ATP2B4: variants seen among roughly 807,000 people sequenced by gnomAD.
ATP2B4 encodes ATPase plasma membrane Ca2+ transporting 4.
In ATP2B4, 39 loss-of-function variants were observed where a neutral mutation model predicts 110.3. That is an observed-to-expected ratio of 0.35 (90% CI 0.27 to 0.46). The LOEUF is 0.46. Ranked by LOEUF, ATP2B4 falls within the 20% of genes least tolerant of loss-of-function variation. ATP2B4 has a pLI of 1.00. For missense variants in ATP2B4, 1,135 were observed against 1,530.9 expected (o/e 0.74, Z 4.32); for synonymous variants, 538 against 571.7 (o/e 0.94, Z 0.84).
intron 2 of ATP2B4, among the ~76,000 whole-genome samples, chr1:203,695,340 C>T (rs935678059): frequency 6.6e-6 from 1 of 152,234 alleles, no homozygotes; most frequent in African/African-American, 2.4e-5. Context: ...CTGCCTCTGC[C>T]TGTCTGGGGC....
At chr1:203,656,416 A>G (rs1162055200) in intron 1 of ATP2B4, among the ~76,000 whole-genome samples, 1 of 152,158 alleles carries the variant, frequency 6.6e-6, no homozygotes, top group Non-Finnish European at 1.5e-5. Context: ...CTACATGGTA[A>G]ATGGAAGAAA....
At chr1:203,670,623 C>G (rs924968132) in intron 1 of ATP2B4, among the ~76,000 whole-genome samples, 2 of 152,238 alleles carry the variant, frequency 1.3e-5, no homozygotes, top group African/African-American at 4.8e-5. Flanking sequence ...CTCCCTTCTC[C>G]CTTCCCACCC....
chr1:203,711,202 C>A, intron 12 of ATP2B4, 94 bp downstream of exon 12: 2 of 1,143,176 alleles, frequency 1.7e-6, no homozygotes, highest in South Asian at 1.4e-5. Context: ...AACTGCCTCT[C>A]ACTTAGAGGG....
chr1:203,743,563 TATATGCCATATGTGA>T lies in ATP2B4; in HGVS notation c.*3721_*3735del, dbSNP rs1229039017. On this transcript the variant is annotated 3_prime_UTR_variant, in exon 21 of 21. Transcript: ENST00000357681. Reference sequence around the variant, plus strand: ...GGTTCATGTTTTCTCCCCATATGTATATATGCCATATGTGAATATGCCATATATATGTGCCAACAA... The same window carrying T: ...GGTTCATGTTTTCTCCCCATATGTATATATGCCATATATATGTGCCAACAA... The T allele has an allele frequency of 6.5e-6, 1 of 152,692 alleles. No individual in the cohort carries two copies. Among genetic ancestry groups the T allele is most frequent in the Non-Finnish European group, 1.5e-5 (1 of 68,048 alleles). 9.5% of individuals were successfully genotyped at this position (152,692 alleles called of 1,614,324 possible).
intron 20 of ATP2B4, chr1:203,733,536 G>C (rs1666795609): frequency 3.3e-6 from 3 of 917,164 alleles, no homozygotes; most frequent in Non-Finnish European, 4.7e-6. Flanking sequence ...GGAAGAAAAA[G>C]ACAAAAATCC....
intron 7 of ATP2B4, among the ~76,000 whole-genome samples, chr1:203,702,958 C>G (rs1215535575): frequency 2.0e-5 from 3 of 152,204 alleles, no homozygotes; most frequent in Admixed American, 6.5e-5. Flanking sequence ...ATATGTCTCT[C>G]TTTATCCCTG....
intron 1 of ATP2B4, among the ~76,000 whole-genome samples, chr1:203,675,911 T>A (rs955080828): frequency 6.6e-6 from 1 of 151,988 alleles, no homozygotes. Context: ...CTGGAAGGAC[T>A]ATAGGGGGGA....
At chr1:203,701,310 C>T (rs1665686564) in intron 6 of ATP2B4, among the ~76,000 whole-genome samples, 1 of 152,146 alleles carries the variant, frequency 6.6e-6, no homozygotes, top group Non-Finnish European at 1.5e-5. Context: ...ACCATCAAGA[C>T]TAAGAGAAAA....
At chr1:203,688,226 C>T (rs550839086) in intron 2 of ATP2B4, among the ~76,000 whole-genome samples, 2 of 151,958 alleles carry the variant, frequency 1.3e-5, no homozygotes, top group South Asian at 4.2e-4. Context: ...GGTTTTGCCA[C>T]CTCTACCTCA....
intron 1 of ATP2B4, among the ~76,000 whole-genome samples, chr1:203,647,801 G>T (rs780886801): frequency 5.3e-5 from 8 of 151,728 alleles, no homozygotes; most frequent in African/African-American, 7.3e-5. Flanking sequence ...AAAAAAAAAA[G>T]TGCTGATGGC....
At chr1:203,728,034 A>G (rs1049676629) in intron 20 of ATP2B4, 1 of 356,596 alleles carries the variant, frequency 2.8e-6, no homozygotes, top group African/African-American at 2.2e-5. Context: ...GCTATCTGGA[A>G]GGGTCTTTGT....
intron 1 of ATP2B4, among the ~76,000 whole-genome samples, chr1:203,674,294 G>T (rs372489838): frequency 6.6e-6 from 1 of 152,132 alleles, no homozygotes; most frequent in Non-Finnish European, 1.5e-5. Context: ...AATGGTGAGC[G>T]CTGCTGTTTC....
intron 3 of ATP2B4, 67 bp from the exon 4 acceptor site, chr1:203,699,393 C>T: frequency 1.9e-6 from 3 of 1,584,070 alleles, no homozygotes; most frequent in Non-Finnish European, 2.6e-6. Flanking sequence ...ATTGTGGAAG[C>T]ACTACTCCTA....
intron 1 of ATP2B4, among the ~76,000 whole-genome samples, chr1:203,673,245 C>A (rs1319541384): frequency 6.6e-6 from 1 of 152,190 alleles, no homozygotes; most frequent in Non-Finnish European, 1.5e-5. Context: ...GCACCAGAAA[C>A]TCAGGAGTTG....
At chr1:203,651,886 C>T (rs1055991754) in intron 1 of ATP2B4, among the ~76,000 whole-genome samples, 3 of 150,938 alleles carry the variant, frequency 2.0e-5, no homozygotes, top group East Asian at 2.0e-4. Flanking sequence ...GGTGAAACCC[C>T]GTCTCTACTA....
chr1:203,671,890 T>C (rs1418240659), intron 1 of ATP2B4, among the ~76,000 whole-genome samples: 2 of 152,194 alleles, frequency 1.3e-5, no homozygotes, highest in African/African-American at 4.8e-5. Context: ...ACCCTCCAGC[T>C]AGAGTGAGCA....
At chr1:203,735,953 C>CA (rs1438782378) in intron 20 of ATP2B4, among the ~76,000 whole-genome samples, 1 of 152,186 alleles carries the variant, frequency 6.6e-6, no homozygotes, top group African/African-American at 2.4e-5. Context: ...TCCAAATCCT[C>CA]AAAGACTAGA....
chr1:203,680,382 T>G (rs1393043138), intron 1 of ATP2B4, among the ~76,000 whole-genome samples: 3 of 151,950 alleles, frequency 2.0e-5, no homozygotes, highest in African/African-American at 4.8e-5. Context: ...GGCCGAGGCG[T>G]GCGGATCACG....
At chr1:203,662,975 G>A (rs1371220486) in intron 1 of ATP2B4, among the ~76,000 whole-genome samples, 1 of 152,164 alleles carries the variant, frequency 6.6e-6, no homozygotes, top group Non-Finnish European at 1.5e-5. Context: ...GTGATTATCT[G>A]GGGCCAGAAC....
Sources: gnomAD v4.1 joint callset for allele counts (sites outside exome capture counted in the v4.1 genomes callset) on GRCh38, gnomAD v4.1.1 for gene constraint, MANE v1.5 for transcripts, NCBI Gene and HGNC (gene_info 2026-07-23, HGNC 2026-07-21) for gene names.